The following MAST4 variants were observed in gnomAD, a reference collection of about 807,000 sequenced individuals.
MAST4 encodes microtubule associated serine/threonine kinase family member 4.
In MAST4, 89 loss-of-function variants were observed where a neutral mutation model predicts 162.7. The observed-to-expected ratio is 0.55, with a 90% CI of 0.46 to 0.65. The LOEUF is 0.65. Ranked by LOEUF, MAST4 falls within the 30% of genes least tolerant of loss-of-function variation. The pLI is 0.00. For missense variants in MAST4, 3,153 were observed against 3,374.0 expected, an observed-to-expected ratio of 0.93 and a Z score of 1.62; for synonymous variants, 1,479 against 1,361.1, an observed-to-expected ratio of 1.09 and a Z score of -1.91.
chr5:66,835,173 C>G (rs1757876793), intron 3 of MAST4, among the ~76,000 whole-genome samples: 1 of 152,150 alleles, frequency 6.6e-6, no homozygotes, highest in Admixed American at 6.6e-5. Flanking sequence ...TTGTAAATCT[C>G]CCTTTGAAGT....
At chr5:66,891,290 C>T (rs1762347974) in intron 3 of MAST4, among the ~76,000 whole-genome samples, 3 of 152,146 alleles carry the variant, frequency 2.0e-5, no homozygotes, top group African/African-American at 7.2e-5. Context: ...TTCCTCTCAA[C>T]TCCTGTGGAT....
chr5:66,870,572 G>A (rs1760855267), intron 3 of MAST4, among the ~76,000 whole-genome samples: 1 of 151,426 alleles, frequency 6.6e-6, no homozygotes, highest in Non-Finnish European at 1.5e-5. Context: ...ATACAAGTTT[G>A]TTTATAATAA....
In MAST4 at chr5:67,062,626, G is replaced by T. The variant is rs549450241; in HGVS notation, c.763+8134G>T. On this transcript the variant is annotated intron_variant, in intron 5 of 28. Transcript: ENST00000403625. ...ATAGTACAAGACAAATAGTTCCCTT[G>T]CCTCTTTAAATTTAGGGAATAGGAC... 4.5e-4 allele frequency among the ~76,000 whole-genome samples: 69 copies of T among 152,240 alleles called. 3 individuals are homozygous for T. The highest frequency in any genetic ancestry group is 1.3e-3 in the Admixed American group (20 of 15,286).
chr5:66,899,123 G>A (rs1435450935), intron 3 of MAST4, among the ~76,000 whole-genome samples: 1 of 152,196 alleles, frequency 6.6e-6, no homozygotes, highest in Non-Finnish European at 1.5e-5. Context: ...ATTGCTTCCT[G>A]TTCTTTAATA....
chr5:66,663,532 G>T (rs1259512301), intron 1 of MAST4, among the ~76,000 whole-genome samples: 1 of 152,176 alleles, frequency 6.6e-6, no homozygotes, highest in South Asian at 2.1e-4. Context: ...ATAAAGAGCT[G>T]GAGGAAGTGA....
chr5:66,876,449 A>G (rs905244641), intron 3 of MAST4, among the ~76,000 whole-genome samples: 4 of 152,134 alleles, frequency 2.6e-5, no homozygotes, highest in African/African-American at 9.7e-5. Flanking sequence ...GGTGGAAGGT[A>G]TGCTCTTGTC....
intron 4 of MAST4, among the ~76,000 whole-genome samples, chr5:66,958,501 G>T (rs1745594304): frequency 6.6e-6 from 1 of 152,198 alleles, no homozygotes; most frequent in Middle Eastern, 3.4e-3. Context: ...TCTTAAAAAT[G>T]AGCTTTTCGA....
chr5:66,997,116 G>A (rs892283732), intron 4 of MAST4, among the ~76,000 whole-genome samples: 3 of 151,740 alleles, frequency 2.0e-5, no homozygotes, highest in African/African-American at 7.3e-5. Flanking sequence ...TGTATCTTTT[G>A]TATAAATATT....
At position 67,100,954 on chromosome 5, in the gene MAST4, T is replaced by C. The variant is rs930215026; in HGVS notation, c.1070+362T>C. On this transcript the variant is annotated intron_variant, in intron 8 of 28. Transcript: ENST00000403625. ...GAAGGACAACAAGAATAGGAGGATTTTTTAAAATTCCAGATTCCATATTAC... is the reference window on the plus strand; with the variant it reads ...GAAGGACAACAAGAATAGGAGGATTCTTTAAAATTCCAGATTCCATATTAC... 1.3e-5 allele frequency among the ~76,000 whole-genome samples: 2 copies of C among 152,184 alleles called. 1 individual carries two copies. Among genetic ancestry groups the C allele is most frequent in the Admixed American group, 1.3e-4 (2 of 15,284 alleles).
Position 67,166,620 on chromosome 5 carries a change from G to A in MAST4, c.7441G>A (p.Asp2481Asn), listed in dbSNP as rs1159389875. ...TAGAGAGGCCTCTGCAGCCAGCAGC[G>A]ACACCTCTTCTGCCAAGGCCGCCGG... ...GVREASAASSDTSSAKAAGGM... is the reference protein window; with the variant it reads ...GVREASAASSNTSSAKAAGGM... Residue 2481 changes from aspartate to asparagine, a missense_variant, in exon 29 of 29, where the codon GAC becomes AAC. Asp to Asn is a conservative substitution (Grantham distance 23, BLOSUM62 1). Coordinates refer to ENST00000403625, the MANE Select transcript of MAST4 (RefSeq NM_001164664.2). The A allele has an allele frequency of 1.9e-6, 3 of 1,601,144 alleles. No individual in the cohort carries two copies. The highest frequency in any genetic ancestry group is 3.4e-5 in the Admixed American group (2 of 58,202).
At chr5:66,895,344 A>G (rs1483171418) in intron 3 of MAST4, among the ~76,000 whole-genome samples, 1 of 152,070 alleles carries the variant, frequency 6.6e-6, no homozygotes, top group Non-Finnish European at 1.5e-5. Flanking sequence ...TCTATCACTT[A>G]TCTCCTGTAA....
intron 1 of MAST4, among the ~76,000 whole-genome samples, chr5:66,758,388 TAGAA>T (rs537055921): frequency 2.0e-5 from 3 of 151,566 alleles, no homozygotes; most frequent in South Asian, 2.1e-4. Context: ...ATTAAATAAA[TAGAA>T]ATAAATATTT....
At chr5:66,930,728 T>C in intron 4 of MAST4, 1 of 470,864 alleles carries the variant, frequency 2.1e-6, no homozygotes. Context: ...CCATTCTATC[T>C]GGGTTCACTG....
intron 23 of MAST4, among the ~76,000 whole-genome samples, chr5:67,146,597 CT>C (rs988605199): frequency 6.6e-6 from 1 of 151,970 alleles, no homozygotes; most frequent in South Asian, 2.1e-4. Context: ...ATAGTGTAAG[CT>C]TTTTTTTAAT....
chr5:66,916,294 A>T (rs1287873173), intron 4 of MAST4, among the ~76,000 whole-genome samples: 1 of 152,138 alleles, frequency 6.6e-6, no homozygotes, highest in African/African-American at 2.4e-5. Context: ...AGTCAGTTCC[A>T]CCCAAACTAC....
rs568635262 is a variant in MAST4, at chr5:66,827,692, T to C, written c.642+38898T>C. ...CAGGAGTTAGTGATTTAAAAAAATG[T>C]TTATACCTGTCTTCCTAACTTTCAA... On this transcript the variant is annotated intron_variant, in intron 3 of 28. Coordinates refer to ENST00000403625, the MANE Select transcript of MAST4 (RefSeq NM_001164664.2). Among the ~76,000 whole-genome samples, 7 of 152,326 alleles carry C rather than the reference T, an allele frequency of 4.6e-5. No individual in the cohort carries two copies. The South Asian group carries it at 1.0e-3, about 23-fold the overall frequency.
chr5:66,714,289 C>A (rs1171158721), intron 1 of MAST4, among the ~76,000 whole-genome samples: 1 of 152,148 alleles, frequency 6.6e-6, no homozygotes, highest in African/African-American at 2.4e-5. Flanking sequence ...TTCTTGGTGG[C>A]CTAGGAGATT....
At chr5:67,079,021 A>T (rs2673910) in intron 5 of MAST4, among the ~76,000 whole-genome samples, 23,251 of 140,152 alleles carry the variant, frequency 0.17, 2,102 homozygotes, top group Middle Eastern at 0.23. Flanking sequence ...TGGAAGGTAG[A>T]CAGCATCCTA....
At chr5:66,696,614 C>A (rs1385584486) in intron 1 of MAST4, among the ~76,000 whole-genome samples, 4 of 152,200 alleles carry the variant, frequency 2.6e-5, no homozygotes, top group African/African-American at 9.7e-5. Context: ...CCAACTTCAG[C>A]TGCACACATG....
Sources: gnomAD v4.1 joint callset for allele counts (sites outside exome capture counted in the v4.1 genomes callset) on GRCh38, gnomAD v4.1.1 for gene constraint, MANE v1.5 for transcripts, NCBI Gene and HGNC (gene_info 2026-07-23, HGNC 2026-07-21) for gene names.